Variants in THBS2 observed in about 807,000 individuals in gnomAD.
The protein encoded by THBS2 is thrombospondin-2.
In THBS2, 47 loss-of-function variants were observed where a neutral mutation model predicts 135.2. That is an observed-to-expected ratio of 0.35 (90% CI 0.28 to 0.44). The LOEUF (loss-of-function observed/expected upper bound fraction) is 0.44. Among genes scored for constraint, THBS2 ranks in the 20% least tolerant of loss-of-function variants. The pLI, the probability that THBS2 is intolerant of heterozygous loss-of-function variation, is 1.00. For synonymous variants in THBS2, 639 were observed against 633.8 expected (o/e 1.01, Z -0.12); for missense variants, 1,288 against 1,603.1 (o/e 0.80, Z 3.36).
chr6:169,247,568 G>A (rs1298194803), intron 3 of THBS2, among the ~76,000 whole-genome samples: 1 of 152,098 alleles, frequency 6.6e-6, no homozygotes, highest in Admixed American at 6.5e-5. Flanking sequence ...GTGTAGGTAT[G>A]TAAATGTGAT....
chr6:169,234,506 C>A, intron 10 of THBS2: 1 of 495,540 alleles, frequency 2.0e-6, no homozygotes. Context: ...CATTCCACGC[C>A]ACACAACTAC....
At chr6:169,225,463 G>T in intron 16 of THBS2, 84 bp from the exon 17 acceptor site, 1 of 1,368,608 alleles carries the variant, frequency 7.3e-7, no homozygotes, top group Non-Finnish European at 1.0e-6. Context: ...AAGCCTGAGA[G>T]CCGGCCTCCT....
At position 169,217,672 on chromosome 6, in the gene THBS2, G is replaced by C. The variant is rs2114962104; in HGVS notation, c.*150C>G. 5 of 773,006 alleles carry C rather than the reference G, an allele frequency of 6.5e-6. No homozygotes were observed. Among genetic ancestry groups the C allele is most frequent in the Middle Eastern group, 7.0e-4 (2 of 2,852 alleles). 47.9% of individuals were successfully genotyped at this position (773,006 alleles called of 1,614,324 possible). ...ATCCTCTGAAGGCACTTGGGTTTGG[G>C]GTTGCTGGCAGGAGGTGAAGAACCA... On this transcript the variant is annotated 3_prime_UTR_variant, in exon 22 of 22. Coordinates refer to ENST00000617924, the MANE Select transcript of THBS2 (RefSeq NM_003247.5).
rs200195972 is a variant in THBS2 at position 169,226,157 on chromosome 6, C to T, written c.2538+23G>A. ...TCCCTCTGATGAGGACCTCCAACCC[C>T]GCCTGTCTGCGGCTGCCCTCACCTG... is the stretch of plus-strand genomic sequence containing the variant. On this transcript the variant is annotated intron_variant, in intron 16 of 21. Transcript: ENST00000617924. 300 of 1,596,274 alleles carry T rather than the reference C, an allele frequency of 1.9e-4. 1 individual carries two copies. The highest frequency in any genetic ancestry group is 3.1e-4 in the East Asian group (14 of 44,468).
In THBS2 at chr6:169,237,225, CTTG is replaced by C; in HGVS notation, c.1419_1421del (p.Lys474del). ...TCTCCCGGCCACTCCCTTTGCAATTCTTGCCCCCCATCTGGGGCACTGGGGAGT... is the reference window on the plus strand; with the variant it reads ...TCTCCCGGCCACTCCCTTTGCAATTCCCCCCCATCTGGGGCACTGGGGAGT... On this transcript the variant is annotated inframe_deletion, in exon 9 of 22. Transcript: ENST00000617924. 1.2e-6 allele frequency: 2 copies of C among 1,613,100 alleles called. No homozygotes were observed. The highest frequency in any genetic ancestry group is 1.7e-6 in the Non-Finnish European group (2 of 1,179,984).
At chr6:169,239,807 G>A in intron 6 of THBS2, 112 bp from the exon 7 acceptor site, 2 of 781,474 alleles carry the variant, frequency 2.6e-6, no homozygotes, top group Non-Finnish European at 4.2e-6. Flanking sequence ...TCCATCCTAC[G>A]GACCATACAT....
chr6:169,220,445 C>T lies in THBS2; in HGVS notation c.3372-108G>A, dbSNP rs78454713. 1.5e-3 allele frequency: 2,122 copies of T among 1,402,254 alleles called. 20 individuals carry two copies. In the African/African-American group the frequency reaches 0.027, roughly 18 times the overall value. The allele number at this position is 1,402,254 out of a possible 1,614,324, so 86.9% of individuals were successfully genotyped here. ...CTCCGGACACAAGCTGTGGATACTC[C>T]GCCCAGGGCTTCAGTGCCCCAGGGG... is the stretch of plus-strand genomic sequence containing the variant. On this transcript the variant is annotated intron_variant, in intron 20 of 21. Coordinates refer to ENST00000617924, the MANE Select transcript of THBS2 (RefSeq NM_003247.5).
intron 14 of THBS2, among the ~76,000 whole-genome samples, chr6:169,228,921 AAAG>A (rs1444203913): frequency 6.8e-6 from 1 of 148,052 alleles, no homozygotes; most frequent in African/African-American, 2.5e-5. Flanking sequence ...AAAAAAAAAA[AAAG>A]AGTTAGCCCT....
At chr6:169,237,917 A>G in intron 7 of THBS2, 122 bp from the exon 8 acceptor site, 2 of 1,251,688 alleles carry the variant, frequency 1.6e-6, no homozygotes, top group Non-Finnish European at 2.1e-6. Flanking sequence ...CTGAGGGGCC[A>G]CTGCCTGGCT....
At chr6:169,240,711 T>G in intron 5 of THBS2, 119 bp from the exon 6 acceptor site, 1 of 1,303,592 alleles carries the variant, frequency 7.7e-7, no homozygotes, top group South Asian at 1.5e-5. Context: ...CAAGTAAGAC[T>G]TGACTCATCC....
intron 18 of THBS2, 96 bp from the exon 19 acceptor site, chr6:169,222,564 G>T (rs1248189101): frequency 2.3e-5 from 31 of 1,354,510 alleles, no homozygotes; most frequent in Admixed American, 7.6e-5. Context: ...AGAGGCCGAG[G>T]TGGGCAGATC....
chr6:169,242,813 A>ACTGCTC (rs1780384572), intron 4 of THBS2, among the ~76,000 whole-genome samples: 1 of 36,776 alleles, frequency 2.7e-5, no homozygotes, highest in East Asian at 7.3e-4. Flanking sequence ...CCACCTTCCC[A>ACTGCTC]CCACTCCCAC....
intron 14 of THBS2, 28 bp downstream of exon 14, chr6:169,229,544 G>A (rs763606700): frequency 1.9e-6 from 3 of 1,593,690 alleles, no homozygotes; most frequent in Non-Finnish European, 1.7e-6. Flanking sequence ...GGAACCCAGG[G>A]CAGGTGCGCG....
At chr6:169,226,365 A>G in intron 15 of THBS2, 67 bp from the exon 16 acceptor site, 1 of 1,305,542 alleles carries the variant, frequency 7.7e-7, no homozygotes, top group Non-Finnish European at 1.1e-6. Context: ...TAGAAAAAGC[A>G]CATTGTTTTT....
At chr6:169,226,045 G>C (rs1045897647) in intron 16 of THBS2, 135 bp downstream of exon 16, 9 of 902,298 alleles carry the variant, frequency 1.0e-5, no homozygotes, top group Non-Finnish European at 1.4e-5. Context: ...CCTGAGACCC[G>C]CCTGCCCATG....
At position 169,248,673 on chromosome 6, in the gene THBS2, T is replaced by C. The variant is rs1191900612; in HGVS notation, c.353A>G (p.Asn118Ser). 3.7e-6 allele frequency: 6 copies of C among 1,613,808 alleles called. No homozygotes were observed. Among genetic ancestry groups the C allele is most frequent in the South Asian group, 1.1e-5 (1 of 91,056 alleles). ...LSQRQFEIVS[N>S]GPADTLDLTY... ...GAGATCCAGCGTGTCCGCGGGGCCG[T>C]TGGAGACGATCTCGAACTGCCTCTG... Residue 118 changes from asparagine (N) to serine (S), a missense_variant, in exon 3 of 22, where the codon AAC becomes AGC. Around this residue, in one of 2 missense-constraint regions of THBS2, gnomAD observed 414 missense variants for 447.0 expected, o/e 0.93. Transcript: ENST00000617924.
chr6:169,228,020 G>A (rs1021448337), intron 15 of THBS2, 102 bp downstream of exon 15: 78 of 1,371,214 alleles, frequency 5.7e-5, no homozygotes, highest in Admixed American at 3.2e-4. Context: ...GGTGGAGATC[G>A]CAGTGAGCCA....
At chr6:169,223,909 C>T (rs2114978607) in intron 17 of THBS2, among the ~76,000 whole-genome samples, 1 of 152,326 alleles carries the variant, frequency 6.6e-6, no homozygotes, top group East Asian at 1.9e-4. Flanking sequence ...AAGCGGAACT[C>T]ACACTAAAAT....
In THBS2 at chr6:169,225,254, G is replaced by A; in HGVS notation, c.2664C>T (p.Asp888=). The part of the protein sequence containing the change: ...YISNANQADH[D]RDGQGDACDP... ...CACAGGCGTCGCCCTGGCCGTCTCTGTCATGGTCAGCCTGGTTGGCGTTGG... is the reference window on the plus strand; with the variant it reads ...CACAGGCGTCGCCCTGGCCGTCTCTATCATGGTCAGCCTGGTTGGCGTTGG... The change falls in exon 17 of 22, where the codon GAC becomes GAT. Residue 888 remains aspartate (D), a synonymous_variant. Transcript: ENST00000617924. 1 of 1,613,010 alleles carries A rather than the reference G, an allele frequency of 6.2e-7. No homozygotes were observed. The highest frequency in any genetic ancestry group is 1.1e-5 in the South Asian group (1 of 90,928).
Sources: allele counts gnomAD v4.1 joint callset (sites outside exome capture counted in the v4.1 genomes callset), GRCh38; gene constraint gnomAD v4.1.1; regional missense constraint gnomAD v4.1.1; transcripts MANE v1.5; gene names NCBI Gene and HGNC (gene_info 2026-07-23, HGNC 2026-07-21).